CREB5: variants seen among roughly 807,000 people sequenced by gnomAD.
The protein encoded by CREB5 is cAMP responsive element binding protein 5.
CREB5 carries 19 observed loss-of-function variants against 57.1 expected under a neutral mutation model. That is an observed-to-expected ratio of 0.33 (90% CI 0.23 to 0.49). The LOEUF (loss-of-function observed/expected upper bound fraction) is 0.49. CREB5 is among the 20% of genes least tolerant of loss of function. The pLI, the probability that CREB5 is intolerant of heterozygous loss-of-function variation, is 0.99. For synonymous variants in CREB5, 238 were observed against 238.3 expected (o/e 1.00, Z 0.01); for missense variants, 579 against 671.6 (o/e 0.86, Z 1.52).
intron 1 of CREB5, among the ~76,000 whole-genome samples, chr7:28,453,815 C>T (rs562069519): frequency 3.9e-5 from 6 of 152,262 alleles, no homozygotes; most frequent in South Asian, 2.1e-4. Context: ...AAGGGCATTG[C>T]GATGAAACAA....
chr7:28,618,867 G>A (rs1336900266), intron 5 of CREB5, among the ~76,000 whole-genome samples: 2 of 152,214 alleles, frequency 1.3e-5, no homozygotes, highest in African/African-American at 4.8e-5. Context: ...AGGAGGTTAG[G>A]TATGGTTCTG....
At chr7:28,793,880 T>C (rs1264552265) in intron 7 of CREB5, among the ~76,000 whole-genome samples, 3 of 152,248 alleles carry the variant, frequency 2.0e-5, no homozygotes, top group Non-Finnish European at 4.4e-5. Context: ...TGCTTGGGAT[T>C]TGGGGATGTG....
chr7:28,641,484 A>G (rs1377176341), intron 5 of CREB5, among the ~76,000 whole-genome samples: 2 of 152,164 alleles, frequency 1.3e-5, no homozygotes, highest in Non-Finnish European at 2.9e-5. Context: ...GTGGTGAGCT[A>G]AACGTAGCAC....
intron 4 of CREB5, among the ~76,000 whole-genome samples, chr7:28,555,643 T>G (rs1794836448): frequency 6.6e-6 from 1 of 152,090 alleles, no homozygotes; most frequent in African/African-American, 2.4e-5. Flanking sequence ...ACTCAAATAT[T>G]TACAAAACAG....
intron 7 of CREB5, among the ~76,000 whole-genome samples, chr7:28,735,818 T>A (rs1482793997): frequency 5.9e-5 from 9 of 152,110 alleles, no homozygotes; most frequent in South Asian, 2.1e-4. Flanking sequence ...TCTCTCTTTT[T>A]TTTTTTAATG....
intron 5 of CREB5, among the ~76,000 whole-genome samples, chr7:28,592,800 T>C (rs1646499883): frequency 6.6e-6 from 1 of 152,222 alleles, no homozygotes. Context: ...GGCCCTGTAT[T>C]AGGTGCAGTC....
At chr7:28,492,891 G>T (rs1032786305) in intron 2 of CREB5, among the ~76,000 whole-genome samples, 1 of 151,922 alleles carries the variant, frequency 6.6e-6, no homozygotes, top group African/African-American at 2.4e-5. Context: ...TGTATTTGGT[G>T]CAGTCATTAC....
intron 1 of CREB5, among the ~76,000 whole-genome samples, chr7:28,472,237 GA>G (rs1271233020): frequency 6.6e-6 from 1 of 151,758 alleles, no homozygotes; most frequent in East Asian, 1.9e-4. Context: ...TTTTCAAGGT[GA>G]ATAAGTGTCT....
At chr7:28,425,848 G>C (rs1461510660) in intron 1 of CREB5, among the ~76,000 whole-genome samples, 2 of 152,136 alleles carry the variant, frequency 1.3e-5, no homozygotes, top group African/African-American at 4.8e-5. Context: ...CTGCGCCTTT[G>C]ACATTTTCCT....
chr7:28,651,374 C>G (rs554901526), intron 5 of CREB5, among the ~76,000 whole-genome samples: 1 of 152,238 alleles, frequency 6.6e-6, no homozygotes, highest in South Asian at 2.1e-4. Flanking sequence ...AAAAAGTGAC[C>G]TAGCCAGGAG....
intron 1 of CREB5, among the ~76,000 whole-genome samples, chr7:28,331,583 T>G (rs1411164832): frequency 6.6e-6 from 1 of 152,102 alleles, no homozygotes; most frequent in Non-Finnish European, 1.5e-5. Context: ...TCCTACACTT[T>G]GCACATGCTT....
intron 5 of CREB5, among the ~76,000 whole-genome samples, chr7:28,572,953 C>T (rs1336173281): frequency 6.6e-6 from 1 of 152,204 alleles, no homozygotes; most frequent in East Asian, 1.9e-4. Context: ...CATTGCCAAG[C>T]CCGAGGGAGG....
chr7:28,410,244 G>T (rs1281566254), upstream of CREB5: 1 of 454,882 alleles, frequency 2.2e-6, no homozygotes, highest in Non-Finnish European at 4.4e-6. Context: ...GGCTCCGTCC[G>T]CTCCAGTCCA....
At chr7:28,717,086 C>CTTTTTTTTTTTTTTTTTTTTTTTTTTT (rs5883165) in intron 5 of CREB5, among the ~76,000 whole-genome samples, 1 of 110,250 alleles carries the variant, frequency 9.1e-6, no homozygotes, top group Non-Finnish European at 1.7e-5. Context: ...GCTTTATATT[C>CTTTTTTTTTTTTTTTTTTTTTTTTTTT]TTTTTTTTTT....
intron 7 of CREB5, among the ~76,000 whole-genome samples, chr7:28,751,051 G>T (rs928737035): frequency 6.6e-6 from 1 of 152,034 alleles, no homozygotes. Context: ...TGGGTGAAAG[G>T]TTTCCGTTTA....
At chr7:28,452,420 T>C (rs1208743091) in intron 1 of CREB5, among the ~76,000 whole-genome samples, 1 of 152,170 alleles carries the variant, frequency 6.6e-6, no homozygotes, top group East Asian at 1.9e-4. Context: ...CTAAATGTAA[T>C]ATAACAAAGA....
chr7:28,385,246 G>T (rs911274750), intron 1 of CREB5, among the ~76,000 whole-genome samples: 3 of 152,064 alleles, frequency 2.0e-5, no homozygotes, highest in African/African-American at 7.2e-5. Context: ...GCAGAATTGG[G>T]CTTTTAAGTC....
At chr7:28,443,230 A>G (rs1789280813) in intron 1 of CREB5, among the ~76,000 whole-genome samples, 1 of 152,152 alleles carries the variant, frequency 6.6e-6, no homozygotes. Context: ...CCTAGCTCCT[A>G]TGAGAGTGAT....
chr7:28,364,027 G>A (rs1206598374), intron 1 of CREB5, among the ~76,000 whole-genome samples: 1 of 152,158 alleles, frequency 6.6e-6, no homozygotes, highest in African/African-American at 2.4e-5. Context: ...GCTTACAACT[G>A]AAGTTTTAGT....
Sources: allele counts gnomAD v4.1 joint callset (sites outside exome capture counted in the v4.1 genomes callset), GRCh38; gene constraint gnomAD v4.1.1; transcripts MANE v1.5; gene names NCBI Gene and HGNC (gene_info 2026-07-23, HGNC 2026-07-21).